Variants in MYO9A observed in about 807,000 individuals in gnomAD.
MYO9A encodes myosin IXA, also known as unconventional myosin-IXa.
MYO9A carries 103 observed loss-of-function variants against 293.3 expected under a neutral mutation model. The observed-to-expected ratio is 0.35, with a 90% confidence interval of 0.30 to 0.41. The LOEUF (loss-of-function observed/expected upper bound fraction) is 0.41, where lower values mean the gene tolerates loss of function less well. Ranked by LOEUF, MYO9A falls within the 10% of genes least tolerant of loss-of-function variation. The pLI is 1.00. For synonymous variants in MYO9A, 1,001 were observed against 1,035.7 expected (o/e 0.97, Z 0.64); for missense variants, 2,685 against 3,033.0 (o/e 0.89, Z 2.69).
intron 1 of MYO9A, among the ~76,000 whole-genome samples, chr15:72,047,162 C>T (rs8028115): frequency 0.62 from 94,818 of 151,936 alleles, 31,201 homozygotes; most frequent in Middle Eastern, 0.74. Flanking sequence ...ATGAGAGAAA[C>T]CAACTAAGGA....
At chr15:71,879,694 A>C (rs1420094602) in intron 30 of MYO9A, 27 bp downstream of exon 30, 4 of 1,506,172 alleles carry the variant, frequency 2.7e-6, no homozygotes, top group Admixed American at 1.7e-5. Context: ...TGAACTACTA[A>C]ATATCTCCTA....
intron 1 of MYO9A, among the ~76,000 whole-genome samples, chr15:72,095,928 A>C (rs538453203): frequency 8.5e-5 from 13 of 152,112 alleles, no homozygotes; most frequent in Admixed American, 2.0e-4. Context: ...AAAAATACAA[A>C]AATTAAGGTG....
chr15:71,929,210 T>C (rs1229134759), intron 18 of MYO9A, among the ~76,000 whole-genome samples: 1 of 152,222 alleles, frequency 6.6e-6, no homozygotes, highest in Admixed American at 6.5e-5. Context: ...ATTTTCTATA[T>C]AACATTATGT....
chr15:71,994,623 A>G, intron 9 of MYO9A, 38 bp from the exon 10 acceptor site: 1 of 1,259,566 alleles, frequency 7.9e-7, no homozygotes, highest in Non-Finnish European at 1.1e-6. Context: ...TGTAGAATTG[A>G]CAATGATTAA....
At chr15:72,102,814 A>T (rs60543967) in intron 1 of MYO9A, among the ~76,000 whole-genome samples, 3,246 of 152,184 alleles carry the variant, frequency 0.021, 116 homozygotes, top group African/African-American at 0.076. Context: ...TCCTATCAAC[A>T]TTATGCTGGA....
chr15:72,105,096 T>C (rs112752126), intron 1 of MYO9A, among the ~76,000 whole-genome samples: 1 of 152,216 alleles, frequency 6.6e-6, no homozygotes, highest in African/African-American at 2.4e-5. Context: ...CTACTGTTTT[T>C]TTCCTAAAAT....
At chr15:72,052,154 C>A (rs1012387198) in intron 1 of MYO9A, among the ~76,000 whole-genome samples, 8 of 152,304 alleles carry the variant, frequency 5.3e-5, no homozygotes, top group African/African-American at 1.9e-4. Context: ...GATGATGGGA[C>A]AACCAGCTGC....
At chr15:71,909,909 G>A (rs2057780912) in intron 19 of MYO9A, among the ~76,000 whole-genome samples, 1 of 151,888 alleles carries the variant, frequency 6.6e-6, no homozygotes, top group African/African-American at 2.4e-5. Context: ...TGAGGAGGGA[G>A]GATAGCTTAA....
In MYO9A at chr15:71,837,468, T is replaced by C. The variant is rs12102227; in HGVS notation, c.6838-7157A>G. ...CATTGACTATTTCTAGCCAAATGAATAAATAATATGATTTAAAAGCCTCAA... is the reference window on the plus strand; with the variant it reads ...CATTGACTATTTCTAGCCAAATGAACAAATAATATGATTTAAAAGCCTCAA... On this transcript the variant is annotated intron_variant, in intron 39 of 41. Transcript: ENST00000356056. Among the ~76,000 whole-genome samples, 869 of 152,248 alleles carry C rather than the reference T, an allele frequency of 5.7e-3. 12 individuals carry two copies. The highest frequency in any genetic ancestry group is 0.02 in the African/African-American group (822 of 41,584).
At chr15:71,989,527 T>A (rs1284047500) in intron 11 of MYO9A, among the ~76,000 whole-genome samples, 3 of 152,154 alleles carry the variant, frequency 2.0e-5, no homozygotes, top group Non-Finnish European at 4.4e-5. Flanking sequence ...AGCCATGGGT[T>A]GAATGCTTGG....
rs1324333881 is a variant in MYO9A, at chr15:71,824,176, A to G, written c.*2404T>C. 4 of 152,184 alleles carry G rather than the reference A, an allele frequency of 2.6e-5. No individual in the cohort carries two copies. Among genetic ancestry groups the G allele is most frequent in the African/African-American group, 4.8e-5 (2 of 41,452 alleles). 9.4% of individuals were successfully genotyped at this position (152,184 alleles called of 1,614,324 possible). A position where few individuals can be genotyped will look rare whatever the true frequency, so the allele number is the denominator to read the frequency against. On this transcript the variant is annotated 3_prime_UTR_variant, in exon 42 of 42. Coordinates refer to ENST00000356056, the MANE Select transcript of MYO9A (RefSeq NM_006901.4). ...TGGCAGATTAAATTACTAGAAATCC[A>G]CAAATCTAGCAACTGAAAAAACAAG... is the stretch of plus-strand genomic sequence containing the variant.
intron 32 of MYO9A, among the ~76,000 whole-genome samples, chr15:71,863,265 C>G (rs1452277930): frequency 6.6e-6 from 1 of 151,816 alleles, no homozygotes; most frequent in Non-Finnish European, 1.5e-5. Context: ...TCTCAGGAAA[C>G]TTTTACAGTT....
At chr15:71,933,837 G>A in intron 17 of MYO9A, 128 bp from the exon 18 acceptor site, 1 of 759,940 alleles carries the variant, frequency 1.3e-6, no homozygotes, top group Non-Finnish European at 2.2e-6. Context: ...CAAGACTGTA[G>A]GTTCTTTATA....
intron 1 of MYO9A, among the ~76,000 whole-genome samples, chr15:72,088,546 C>A (rs2079812826): frequency 6.6e-6 from 1 of 152,180 alleles, no homozygotes; most frequent in African/African-American, 2.4e-5. Flanking sequence ...ACACATTTGC[C>A]ACTTACTACT....
intron 40 of MYO9A, 107 bp downstream of exon 40, chr15:71,830,002 G>A: frequency 8.9e-7 from 1 of 1,118,724 alleles, no homozygotes. Flanking sequence ...ATCTGACACA[G>A]TGTTTAACAC....
chr15:72,031,516 T>A (rs1253426234), intron 3 of MYO9A, among the ~76,000 whole-genome samples: 1 of 151,988 alleles, frequency 6.6e-6, no homozygotes, highest in Admixed American at 6.6e-5. Context: ...ATAAAACAAT[T>A]ATAACAATAC....
At chr15:71,987,262 C>T (rs901103586) in intron 11 of MYO9A, among the ~76,000 whole-genome samples, 4 of 152,170 alleles carry the variant, frequency 2.6e-5, no homozygotes, top group Admixed American at 6.5e-5. Flanking sequence ...ATATCCTCAT[C>T]ATTAAGTGAC....
chr15:71,871,004 C>T (rs534498475), intron 32 of MYO9A, among the ~76,000 whole-genome samples: 179 of 152,082 alleles, frequency 1.2e-3, no homozygotes, highest in Non-Finnish European at 1.6e-3. Flanking sequence ...TCCCTTGGTG[C>T]CTTGGTCCAT....
chr15:71,831,501 C>G (rs968632306), intron 39 of MYO9A, among the ~76,000 whole-genome samples: 2 of 152,212 alleles, frequency 1.3e-5, no homozygotes, highest in Non-Finnish European at 2.9e-5. Context: ...CCGTGCCTGA[C>G]ACTGGGATCC....
Sources: allele counts gnomAD v4.1 joint callset (sites outside exome capture counted in the v4.1 genomes callset), GRCh38; gene constraint gnomAD v4.1.1; transcripts MANE v1.5; gene names NCBI Gene and HGNC (gene_info 2026-07-23, HGNC 2026-07-21).